Variants in EFCAB5 observed in about 807,000 individuals in gnomAD.
EFCAB5 encodes EF-hand calcium binding domain 5.
Under a neutral mutation model 167.9 loss-of-function variants are expected in EFCAB5, and 131 were observed. The observed-to-expected ratio is 0.78, with a 90% CI of 0.68 to 0.90. EFCAB5 has a LOEUF of 0.90. Among genes scored for constraint, EFCAB5 ranks in the 40% least tolerant of loss-of-function variants. The pLI is 0.00. For missense variants in EFCAB5, 1,663 were observed against 1,745.2 expected (o/e 0.95, Z 0.84); for synonymous variants, 574 against 602.8 (o/e 0.95, Z 0.70).
chr17:29,942,716 A>G (rs1480446905), intron 2 of EFCAB5, among the ~76,000 whole-genome samples: 1 of 152,186 alleles, frequency 6.6e-6, no homozygotes, highest in Non-Finnish European at 1.5e-5. Flanking sequence ...ATAGTCCTAT[A>G]GATTCACAAG....
At chr17:30,048,869 G>A (rs371357110) in intron 8 of EFCAB5, among the ~76,000 whole-genome samples, 3 of 152,152 alleles carry the variant, frequency 2.0e-5, no homozygotes, top group Non-Finnish European at 4.4e-5. Flanking sequence ...TCAAATTGAC[G>A]TAGCTCTCTC....
rs1194036321 is a variant in EFCAB5, at chr17:30,053,611, A to G, written c.1657A>G (p.Thr553Ala). The G allele has an allele frequency of 1.9e-6, 3 of 1,613,950 alleles. No individual in the cohort carries two copies. Among genetic ancestry groups the G allele is most frequent in the African/African-American group, 2.7e-5 (2 of 75,026 alleles). Residue 553 changes from threonine to alanine, a missense_variant, in exon 10 of 23, where the codon ACT (threonine) becomes GCT (alanine). By Grantham distance (58) the Thr-to-Ala change is moderately conservative (BLOSUM62 0). Transcript: ENST00000394835. Reference protein sequence around the residue: ...VIEPGTHTESTLEQGSSRRLL... With the variant: ...VIEPGTHTESALEQGSSRRLL... ...AGAACCAGGAACACACACAGAGTCAACTCTAGAACAAGGGTCAAGTAGAAG... is the reference window on the plus strand; with the variant it reads ...AGAACCAGGAACACACACAGAGTCAGCTCTAGAACAAGGGTCAAGTAGAAG...
chr17:30,082,944 C>T lies in EFCAB5; in HGVS notation c.3480C>T (p.His1160=), dbSNP rs370525083. 1.8e-4 allele frequency: 289 copies of T among 1,613,982 alleles called. 1 individual carries two copies. The highest frequency in any genetic ancestry group is 5.5e-4 in the South Asian group (50 of 91,084). Residue 1160 remains histidine, a synonymous_variant, in exon 18 of 23, where the codon CAC becomes CAT. Transcript: ENST00000394835. ...TAYHYVHSRE[H]ILHIVITGIG... is the part of the protein sequence containing the mutation. ...ATCACTACGTCCACAGCCGGGAGCA[C>T]ATTCTGCATATTGTGATCACTGGCA...
At chr17:30,019,405 C>T (rs992710594) in intron 7 of EFCAB5, among the ~76,000 whole-genome samples, 1 of 150,440 alleles carries the variant, frequency 6.6e-6, no homozygotes, top group Non-Finnish European at 1.5e-5. Flanking sequence ...TGAATTAGAT[C>T]AACAAATTCC....
intron 14 of EFCAB5, among the ~76,000 whole-genome samples, chr17:30,077,813 A>T (rs1192550992): frequency 6.6e-6 from 1 of 152,220 alleles, no homozygotes; most frequent in Non-Finnish European, 1.5e-5. Context: ...TACTATTGTT[A>T]AGTCAATTAC....
chr17:29,942,084 G>A (rs1348990763), intron 1 of EFCAB5, among the ~76,000 whole-genome samples, 156 bp from the exon 2 acceptor site: 1 of 152,154 alleles, frequency 6.6e-6, no homozygotes, highest in Admixed American at 6.5e-5. Flanking sequence ...GTTTGAATTT[G>A]TTGATACAAC....
At chr17:29,984,331 CA>C (rs1417319815) in intron 4 of EFCAB5, among the ~76,000 whole-genome samples, 3 of 151,536 alleles carry the variant, frequency 2.0e-5, no homozygotes, top group African/African-American at 7.3e-5. Context: ...GACAAGCAGA[CA>C]AGCTCTCAGA....
intron 3 of EFCAB5, among the ~76,000 whole-genome samples, chr17:29,959,913 A>ATAG (rs2067686905): frequency 1.3e-5 from 2 of 152,136 alleles, no homozygotes; most frequent in African/African-American, 2.4e-5. Context: ...CCCAGGAACT[A>ATAG]CAGTCCTTAT....
At chr17:30,047,831 C>T (rs1329445978) in intron 8 of EFCAB5, among the ~76,000 whole-genome samples, 3 of 152,174 alleles carry the variant, frequency 2.0e-5, no homozygotes, top group African/African-American at 7.2e-5. Context: ...GCCTCTCACC[C>T]AGATGCCAGA....
chr17:30,073,337 A>G (rs749445900), intron 14 of EFCAB5: 17 of 546,596 alleles, frequency 3.1e-5, no homozygotes, highest in Non-Finnish European at 5.5e-5. Flanking sequence ...GATTACAGGC[A>G]TGAGCCACCA....
At chr17:30,076,682 A>G (rs775072060) in intron 14 of EFCAB5, among the ~76,000 whole-genome samples, 1 of 152,244 alleles carries the variant, frequency 6.6e-6, no homozygotes. Flanking sequence ...GGGGAAGGGT[A>G]CATACCCTGT....
intron 1 of EFCAB5, among the ~76,000 whole-genome samples, chr17:29,932,720 A>G (rs2067212521): frequency 1.3e-5 from 2 of 152,084 alleles, no homozygotes; most frequent in African/African-American, 4.8e-5. Flanking sequence ...GGCCTCACAA[A>G]GTGCTGGGAT....
intron 17 of EFCAB5, 83 bp from the exon 18 acceptor site, chr17:30,082,808 G>T (rs1486476242): frequency 8.2e-6 from 11 of 1,334,708 alleles, no homozygotes. Flanking sequence ...TTAAATTACT[G>T]GTAAAGGTAA....
chr17:30,090,695 G>C lies in EFCAB5; in HGVS notation c.3937+21G>C, dbSNP rs757423584. On this transcript the variant is annotated intron_variant, in intron 20 of 22. Transcript: ENST00000394835. The stretch of plus-strand genomic sequence containing the variant: ...CTTAGGTATCGTTCATGTGGCATCA[G>C]TCTAAATTCACAGGTTTAATAGGTT... 4 of 1,594,824 alleles carry C rather than the reference G, an allele frequency of 2.5e-6. No homozygotes were observed. The Admixed American group carries it at 7.0e-5, about 28-fold the overall frequency.
At chr17:30,054,478 A>C (rs1296306620) in intron 10 of EFCAB5, among the ~76,000 whole-genome samples, 1 of 152,210 alleles carries the variant, frequency 6.6e-6, no homozygotes, top group African/African-American at 2.4e-5. Context: ...ATTAGAAACC[A>C]CTTTAAAAAT....
intron 8 of EFCAB5, among the ~76,000 whole-genome samples, chr17:30,049,284 A>G (rs1201943760): frequency 6.6e-6 from 1 of 152,096 alleles, no homozygotes; most frequent in Non-Finnish European, 1.5e-5. Context: ...GACTGAGACT[A>G]CCCTGGCCAA....
intron 14 of EFCAB5, among the ~76,000 whole-genome samples, chr17:30,077,642 A>T (rs75151697): frequency 6.6e-6 from 1 of 152,250 alleles, no homozygotes; most frequent in Non-Finnish European, 1.5e-5. Context: ...GACAGGGACC[A>T]TGAGTAGAAT....
chr17:29,939,862 A>T (rs75501158), upstream of EFCAB5, among the ~76,000 whole-genome samples: 12,640 of 152,242 alleles, frequency 0.083, 717 homozygotes, highest in Non-Finnish European at 0.13. Flanking sequence ...TATCTGCTAT[A>T]TGAATTCTTC....
chr17:30,069,598 C>T (rs1296573317), intron 14 of EFCAB5: 15 of 1,613,016 alleles, frequency 9.3e-6, no homozygotes, highest in African/African-American at 1.3e-5. Context: ...TGATGTGCTC[C>T]TTCTCCTTGC....
Sources: allele counts gnomAD v4.1 joint callset (sites outside exome capture counted in the v4.1 genomes callset), GRCh38; gene constraint gnomAD v4.1.1; transcripts MANE v1.5; gene names NCBI Gene and HGNC (gene_info 2026-07-23, HGNC 2026-07-21).